TTC33: variants seen among roughly 807,000 people sequenced by gnomAD.
TTC33 encodes the protein tetratricopeptide repeat domain 33, also known as tetratricopeptide repeat protein 33.
In TTC33, 24 loss-of-function variants were observed where a neutral mutation model predicts 29.4. The observed-to-expected ratio is 0.82, with a 90% CI of 0.59 to 1.15. The LOEUF (loss-of-function observed/expected upper bound fraction) is 1.15, where lower values mean the gene tolerates loss of function less well. TTC33 is among the 50% of genes most tolerant of loss of function. TTC33 has a pLI of 0.00. For missense variants in TTC33, 286 were observed against 310.4 expected (o/e 0.92, Z 0.59); for synonymous variants, 107 against 100.3 (o/e 1.07, Z -0.40).
intron 1 of TTC33, among the ~76,000 whole-genome samples, chr5:40,752,185 A>G (rs745761987): frequency 8.5e-5 from 13 of 152,234 alleles, no homozygotes; most frequent in Non-Finnish European, 1.8e-4. Flanking sequence ...AGAGTTAGAA[A>G]CTTGCTCTAA....
intron 4 of TTC33, among the ~76,000 whole-genome samples, chr5:40,724,987 C>T (rs1051190295): frequency 6.6e-6 from 1 of 151,582 alleles, no homozygotes; most frequent in African/African-American, 2.4e-5. Flanking sequence ...GCTGGAACTA[C>T]AGGCACACAC....
At chr5:40,736,633 C>A (rs189174914) in intron 2 of TTC33, among the ~76,000 whole-genome samples, 26 of 152,078 alleles carry the variant, frequency 1.7e-4, no homozygotes, top group East Asian at 3.9e-4. Context: ...GGAAATATAC[C>A]AAGAACATAT....
intron 1 of TTC33, among the ~76,000 whole-genome samples, chr5:40,750,292 A>G (rs1742871349): frequency 6.6e-6 from 1 of 152,098 alleles, no homozygotes; most frequent in Non-Finnish European, 1.5e-5. Context: ...AACAGCGGTC[A>G]GGCATGTTGG....
At chr5:40,728,225 C>G in intron 4 of TTC33, 120 bp downstream of exon 4, 1 of 764,610 alleles carries the variant, frequency 1.3e-6, no homozygotes, top group Non-Finnish European at 1.8e-6. Context: ...CGGAGGTTGC[C>G]GTGAGCTGAG....
At position 40,714,574 on chromosome 5, in the gene TTC33, A is replaced by G. The variant is rs1466149018; in HGVS notation, c.*1571T>C. 6.6e-6 allele frequency: 1 copy of G among 152,212 alleles called. No individual in the cohort carries two copies. The highest frequency in any genetic ancestry group is 2.4e-5 in the African/African-American group (1 of 41,460). The allele number at this position is 152,212 out of a possible 1,614,324, so 9.4% of individuals were successfully genotyped here. On this transcript the variant is annotated 3_prime_UTR_variant, in exon 5 of 5. Coordinates refer to ENST00000337702, the MANE Select transcript of TTC33 (RefSeq NM_012382.3). ...TGAGTACTCACTTCTCTAGATACCT[A>G]TTTACGTTTTGAGAATGTTCTTTAT...
intron 1 of TTC33, among the ~76,000 whole-genome samples, chr5:40,750,287 C>G (rs867733534): frequency 1.3e-5 from 2 of 151,358 alleles, no homozygotes; most frequent in African/African-American, 2.4e-5. Flanking sequence ...AAGACAACAG[C>G]GGTCAGGCAT....
In TTC33 at chr5:40,713,063, A is replaced by AT. The variant is rs1414529014; in HGVS notation, c.*3081dup. ...AACTTTCTCAGTCCTAAAATTCTTT[A>AT]TTATCAAATACATCAGTTTAATAAT... is the stretch of plus-strand genomic sequence containing the variant. On this transcript the variant is annotated 3_prime_UTR_variant, in exon 5 of 5. Transcript: ENST00000337702. Among the ~76,000 whole-genome samples, 3 of 152,118 alleles carry AT rather than the reference A, an allele frequency of 2.0e-5. No individual in the cohort carries two copies. The highest frequency in any genetic ancestry group is 6.6e-5 in the Admixed American group (1 of 15,256).
At chr5:40,743,545 G>C (rs1220105344) in intron 2 of TTC33, among the ~76,000 whole-genome samples, 1 of 152,078 alleles carries the variant, frequency 6.6e-6, no homozygotes, top group African/African-American at 2.4e-5. Flanking sequence ...GGCTGAGGCA[G>C]GCAGATCACT....
chr5:40,720,531 T>C lies in TTC33; in HGVS notation c.436-4033A>G, dbSNP rs779210916. Among the ~76,000 whole-genome samples the C allele has an allele frequency of 8.5e-5, 13 of 152,322 alleles. No homozygotes were observed. The East Asian group carries it at 2.5e-3, about 29-fold the overall frequency. The stretch of plus-strand genomic sequence containing the variant: ...TGCAATTACATTTTCAAATTTAAGA[T>C]AGTTTAAAATCTCCCAAGGGCACTC... On this transcript the variant is annotated intron_variant, in intron 4 of 4. Transcript: ENST00000337702.
At chr5:40,737,530 GAATT>G (rs773883005) in intron 2 of TTC33, among the ~76,000 whole-genome samples, 2 of 151,970 alleles carry the variant, frequency 1.3e-5, no homozygotes, top group Non-Finnish European at 2.9e-5. Flanking sequence ...AACGAATATA[GAATT>G]ATTTTACATT....
intron 1 of TTC33, 47 bp downstream of exon 1, chr5:40,755,777 A>C (rs1297450352): frequency 6.6e-6 from 1 of 152,346 alleles, no homozygotes; most frequent in African/African-American, 2.4e-5. Flanking sequence ...CCCCGTGTTT[A>C]CATTCTTTCC....
Position 40,726,003 on chromosome 5 carries a change from T to A in TTC33, c.435+2342A>T, listed in dbSNP as rs527618402. On this transcript the variant is annotated intron_variant, in intron 4 of 4. Coordinates refer to ENST00000337702, the MANE Select transcript of TTC33 (RefSeq NM_012382.3). ...GGTTTCACCGTGTTAGCCAGGATGGTCTCAATCTCCTGACCTTGTGATCCG... is the reference window on the plus strand; with the variant it reads ...GGTTTCACCGTGTTAGCCAGGATGGACTCAATCTCCTGACCTTGTGATCCG... 4.9e-3 allele frequency among the ~76,000 whole-genome samples: 746 copies of A among 151,764 alleles called. 5 individuals carry two copies. Among genetic ancestry groups the A allele is most frequent in the African/African-American group, 0.017 (711 of 41,404 alleles).
chr5:40,738,923 A>C (rs1418899644), intron 2 of TTC33, among the ~76,000 whole-genome samples: 4 of 152,172 alleles, frequency 2.6e-5, no homozygotes. Context: ...GAGTTGTAAG[A>C]GTTCTTCTAT....
At chr5:40,737,351 C>T (rs973268846) in intron 2 of TTC33, among the ~76,000 whole-genome samples, 1 of 150,614 alleles carries the variant, frequency 6.6e-6, no homozygotes, top group East Asian at 1.9e-4. Context: ...AGGTGATGCA[C>T]AAGAGTTACT....
At chr5:40,719,613 G>T (rs1742083213) in intron 4 of TTC33, among the ~76,000 whole-genome samples, 1 of 152,088 alleles carries the variant, frequency 6.6e-6, no homozygotes, top group Non-Finnish European at 1.5e-5. Flanking sequence ...ATTTTTTTGA[G>T]GAGCTGCCAG....
intron 1 of TTC33, among the ~76,000 whole-genome samples, chr5:40,747,830 C>CT (rs760310300): frequency 6.0e-5 from 9 of 150,664 alleles, no homozygotes; most frequent in Non-Finnish European, 7.4e-5. Context: ...GAGAAGAAAA[C>CT]TTTTTTTTTT....
intron 2 of TTC33, among the ~76,000 whole-genome samples, chr5:40,735,655 A>T (rs562315747): frequency 6.6e-6 from 1 of 152,368 alleles, no homozygotes; most frequent in East Asian, 1.9e-4. Context: ...ATGATTGTTG[A>T]TCTGGAGAGC....
chr5:40,746,773 T>A (rs774252169), intron 2 of TTC33, 25 bp downstream of exon 2: 1 of 1,316,838 alleles, frequency 7.6e-7, no homozygotes. Context: ...CTCTTCTCCA[T>A]AAAAAAAAAA....
rs1187641208 is a variant in TTC33, at chr5:40,715,984, A to G, written c.*161T>C. ...TAACTTATCAAAGCATATTCCAAACACTATACAATAATCCTGCCATTTTAG... is the reference window on the plus strand; with the variant it reads ...TAACTTATCAAAGCATATTCCAAACGCTATACAATAATCCTGCCATTTTAG... On this transcript the variant is annotated 3_prime_UTR_variant, in exon 5 of 5. Transcript: ENST00000337702. 1.8e-6 allele frequency: 1 copy of G among 550,632 alleles called. No individual in the cohort carries two copies. The highest frequency in any genetic ancestry group is 3.1e-6 in the Non-Finnish European group (1 of 319,566). The allele number at this position is 550,632 out of a possible 1,614,324, so 34.1% of individuals were successfully genotyped here.
Sources: gnomAD v4.1 joint callset for allele counts (sites outside exome capture counted in the v4.1 genomes callset) on GRCh38, gnomAD v4.1.1 for gene constraint, MANE v1.5 for transcripts, NCBI Gene and HGNC (gene_info 2026-07-23, HGNC 2026-07-21) for gene names.